Variants in DEPDC5 observed in about 807,000 individuals in gnomAD.
The protein encoded by DEPDC5 is GATOR1 complex protein DEPDC5.
DEPDC5 carries 73 observed loss-of-function variants against 217.3 expected under a neutral mutation model. The observed-to-expected ratio is 0.34, with a 90% confidence interval of 0.28 to 0.41. The LOEUF (loss-of-function observed/expected upper bound fraction) is 0.41, where lower values mean the gene tolerates loss of function less well. Ranked by LOEUF, DEPDC5 falls within the 10% of genes least tolerant of loss-of-function variation. The pLI is 1.00. For missense variants in DEPDC5, 1,675 were observed against 2,070.1 expected, an observed-to-expected ratio of 0.81 and a Z score of 3.70; for synonymous variants, 733 against 756.7, an observed-to-expected ratio of 0.97 and a Z score of 0.51.
intron 7 of DEPDC5, among the ~76,000 whole-genome samples, chr22:31,771,997 T>A (rs1164058990): frequency 6.6e-6 from 1 of 151,748 alleles, no homozygotes; most frequent in Non-Finnish European, 1.5e-5. Context: ...TCCAGGGAGG[T>A]TCAAGGCTGT....
At chr22:31,810,666 G>T (rs776683456) in intron 20 of DEPDC5, 25 bp downstream of exon 20, 3 of 1,612,870 alleles carry the variant, frequency 1.9e-6, no homozygotes, top group African/African-American at 1.3e-5. Context: ...TCACTTGGGG[G>T]TGCATATAAA....
At chr22:31,802,275 C>T (rs2086954285) in intron 14 of DEPDC5, among the ~76,000 whole-genome samples, 1 of 151,798 alleles carries the variant, frequency 6.6e-6, no homozygotes, top group African/African-American at 2.4e-5. Flanking sequence ...ATTACAGGTG[C>T]ACATCACCAT....
chr22:31,856,155 G>GCACACACACACACA (rs136863), intron 31 of DEPDC5, among the ~76,000 whole-genome samples: 8 of 140,570 alleles, frequency 5.7e-5, no homozygotes, highest in Admixed American at 4.3e-4. Context: ...GGGCCAACGC[G>GCACACACACACACA]CACACACACA....
chr22:31,818,625 C>T (rs554430978), intron 21 of DEPDC5, among the ~76,000 whole-genome samples: 1 of 152,290 alleles, frequency 6.6e-6, no homozygotes, highest in East Asian at 1.9e-4. Context: ...CAAGATCTGC[C>T]CTTCTGGTGA....
At chr22:31,838,936 G>T in intron 27 of DEPDC5, 91 bp downstream of exon 27, 2 of 1,364,888 alleles carry the variant, frequency 1.5e-6, no homozygotes, top group East Asian at 2.3e-5. Context: ...GATAAATTTA[G>T]TAGTAATCGT....
chr22:31,896,550 T>A (rs2093556538), intron 39 of DEPDC5, among the ~76,000 whole-genome samples: 1 of 152,186 alleles, frequency 6.6e-6, no homozygotes. Context: ...TACATCATTT[T>A]TATGGTTAAA....
intron 36 of DEPDC5, chr22:31,875,529 G>A (rs2092964969): frequency 6.6e-6 from 1 of 151,682 alleles, no homozygotes; most frequent in African/African-American, 2.4e-5. Flanking sequence ...AGTAATGGGA[G>A]TGGGAGAGTC....
intron 39 of DEPDC5, among the ~76,000 whole-genome samples, chr22:31,896,615 A>G (rs1651096594): frequency 6.6e-6 from 1 of 151,924 alleles, no homozygotes; most frequent in African/African-American, 2.4e-5. Context: ...AATGTTATTG[A>G]TGGTAGGTTT....
Position 31,873,278 on chromosome 22 carries a change from C to T in DEPDC5, c.3509C>T (p.Ser1170Phe). ...AGCTCTCAGCAGCTGGTGGCAAGCTCCTTGACCTCATCCTCTACCCTGACA... is the reference window on the plus strand; with the variant it reads ...AGCTCTCAGCAGCTGGTGGCAAGCTTCTTGACCTCATCCTCTACCCTGACA... ...DSSSQQLVAS[S>F]LTSSSTLTEI... is the part of the protein sequence containing the mutation. Residue 1170 changes from serine to phenylalanine, a missense_variant, in exon 35 of 43, where the codon TCC (serine) becomes TTC (phenylalanine). By Grantham distance (155) the Ser-to-Phe change is radical. Around this residue, in one of 11 missense-constraint regions of DEPDC5, gnomAD observed 194 missense variants for 199.3 expected, o/e 0.97. Transcript: ENST00000651528. The T allele has an allele frequency of 1.2e-6, 2 of 1,614,126 alleles. No homozygotes were observed. Among genetic ancestry groups the T allele is most frequent in the Non-Finnish European group, 1.7e-6 (2 of 1,179,978 alleles).
intron 37 of DEPDC5, among the ~76,000 whole-genome samples, chr22:31,877,436 C>CAAAAAAAAAAA (rs71184527): frequency 1.9e-4 from 4 of 21,018 alleles, no homozygotes; most frequent in African/African-American, 5.5e-4. Flanking sequence ...GACTCCATCT[C>CAAAAAAAAAAA]AAAAAAAAAA....
At chr22:31,804,315 C>A in intron 16 of DEPDC5, 92 bp downstream of exon 16, 1 of 1,249,574 alleles carries the variant, frequency 8.0e-7, no homozygotes, top group Non-Finnish European at 1.2e-6. Flanking sequence ...ACTTATAGTC[C>A]CACTTACTCG....
rs766732676 is a variant in DEPDC5 at position 31,819,113 on chromosome 22, T to C, written c.1758T>C (p.Val586=). 14 of 1,614,082 alleles carry C rather than the reference T, an allele frequency of 8.7e-6. No homozygotes were observed. The Admixed American group carries it at 2.0e-4, about 23-fold the overall frequency. The change falls in exon 22 of 43, where the codon GTT becomes GTC. Residue 586 remains valine, a synonymous_variant. Coordinates refer to ENST00000651528, the MANE Select transcript of DEPDC5 (RefSeq NM_001242896.3). ...GCAGTGCAGAATCCATGCTGCATGTTCGACCTGGTGGATACACGCCCCAGA... is the reference window on the plus strand; with the variant it reads ...GCAGTGCAGAATCCATGCTGCATGTCCGACCTGGTGGATACACGCCCCAGA... ...HVGSAESMLH[V]RPGGYTPQRA...
intron 24 of DEPDC5, 113 bp downstream of exon 24, chr22:31,822,903 C>T: frequency 9.3e-7 from 1 of 1,074,160 alleles, no homozygotes; most frequent in Non-Finnish European, 1.4e-6. Context: ...ATTTCAGCCA[C>T]ACTTTTGGGT....
intron 36 of DEPDC5, chr22:31,875,325 A>G (rs1482477601): frequency 6.1e-6 from 1 of 164,576 alleles, no homozygotes; most frequent in African/African-American, 2.4e-5. Flanking sequence ...AGGTACATGT[A>G]TCAACATGGA....
At chr22:31,789,360 TTAAG>T (rs2148472941) in intron 10 of DEPDC5, among the ~76,000 whole-genome samples, 1 of 152,304 alleles carries the variant, frequency 6.6e-6, no homozygotes, top group African/African-American at 2.4e-5. Context: ...TGAACACATG[TTAAG>T]TGAGAGAAGC....
chr22:31,809,556 A>G (rs2087993339), intron 18 of DEPDC5, 55 bp from the exon 19 acceptor site: 1 of 1,598,954 alleles, frequency 6.3e-7, no homozygotes, highest in Non-Finnish European at 8.6e-7. Context: ...GTGCCTTGTG[A>G]TAAGTTCTTT....
In DEPDC5 at chr22:31,874,151, A is replaced by T. The variant is rs1019245445; in HGVS notation, c.3564-122A>T. ...GTTTCTCTGAGTCTAGGAATAGCAT[A>T]GGGACATTGCTTTATGGTATTAAAT... On this transcript the variant is annotated intron_variant, in intron 35 of 42. Transcript: ENST00000651528. 4.3e-6 allele frequency: 6 copies of T among 1,394,952 alleles called. No individual in the cohort carries two copies. The African/African-American group carries it at 4.4e-5, about 10-fold the overall frequency. 86.4% of individuals were successfully genotyped at this position (1,394,952 alleles called of 1,614,324 possible).
chr22:31,794,367 A>G (rs975719417), intron 12 of DEPDC5, among the ~76,000 whole-genome samples: 2 of 152,166 alleles, frequency 1.3e-5, no homozygotes, highest in African/African-American at 4.8e-5. Flanking sequence ...TTATCTGTAT[A>G]ATGAATATGA....
intron 2 of DEPDC5, among the ~76,000 whole-genome samples, chr22:31,758,113 C>A (rs893796462): frequency 3.3e-5 from 5 of 152,122 alleles, no homozygotes; most frequent in Non-Finnish European, 7.4e-5. Context: ...TTTATTGTGA[C>A]GGTCACATTA....
Sources: allele counts gnomAD v4.1 joint callset (sites outside exome capture counted in the v4.1 genomes callset), GRCh38; gene constraint gnomAD v4.1.1; regional missense constraint gnomAD v4.1.1; transcripts MANE v1.5; gene names NCBI Gene and HGNC (gene_info 2026-07-23, HGNC 2026-07-21).